Variants in EVC observed in about 807,000 individuals in gnomAD.
The protein encoded by EVC is EvC ciliary complex subunit 1, also known as evC complex member EVC.
A neutral mutation model predicts 118.9 loss-of-function variants in EVC; 116 were observed. The observed-to-expected ratio is 0.98, with a 90% CI of 0.84 to 1.14. EVC has a LOEUF of 1.14. Ranked by LOEUF, EVC falls within the 50% of genes most tolerant of loss-of-function variation. The pLI, the probability that EVC is intolerant of heterozygous loss-of-function variation, is 0.00. For missense variants in EVC, 1,401 were observed against 1,246.4 expected, an observed-to-expected ratio of 1.12 and a Z score of -1.87; for synonymous variants, 619 against 534.7, an observed-to-expected ratio of 1.16 and a Z score of -2.18.
intron 5 of EVC, 92 bp from the exon 6 acceptor site, chr4:5,741,624 G>C: frequency 1.4e-6 from 1 of 723,094 alleles, no homozygotes; most frequent in Non-Finnish European, 2.5e-6. Flanking sequence ...AGAGGCAGTG[G>C]GGGAGGGAGG....
At chr4:5,784,436 A>G (rs1736110046) in intron 12 of EVC, among the ~76,000 whole-genome samples, 2 of 152,128 alleles carry the variant, frequency 1.3e-5, no homozygotes, top group African/African-American at 2.4e-5. Flanking sequence ...ATTCTCCCCT[A>G]TAGCCTCTAG....
chr4:5,828,047 C>T, the EVC span: 1 of 985,420 alleles, frequency 1.0e-6, no homozygotes, highest in South Asian at 4.7e-5. Context: ...GCCCTGCCTG[C>T]AAGATGCCAG....
intron 2 of EVC, among the ~76,000 whole-genome samples, chr4:5,720,768 TG>T (rs1724819629): frequency 6.6e-6 from 1 of 152,202 alleles, no homozygotes; most frequent in South Asian, 2.1e-4. Flanking sequence ...GAGATGAGTC[TG>T]GAACAAGCAG....
downstream of EVC, among the ~76,000 whole-genome samples, chr4:5,818,770 C>A (rs1482015680): frequency 6.6e-6 from 1 of 152,202 alleles, no homozygotes; most frequent in Non-Finnish European, 1.5e-5. Context: ...CAACCTTGGA[C>A]TTCTCAGTCT....
At chr4:5,747,197 G>C (rs988584270) in intron 7 of EVC, among the ~76,000 whole-genome samples, 2 of 135,976 alleles carry the variant, frequency 1.5e-5, no homozygotes, top group Non-Finnish European at 3.1e-5. Flanking sequence ...GAGCCAGACC[G>C]ACACCGCAGT....
At chr4:5,779,078 C>T (rs1307266095) in intron 11 of EVC, among the ~76,000 whole-genome samples, 4 of 152,108 alleles carry the variant, frequency 2.6e-5, no homozygotes, top group African/African-American at 9.7e-5. Context: ...GTTTTCCCAG[C>T]ACCATTTATT....
chr4:5,759,081 C>G (rs568241996), intron 11 of EVC, among the ~76,000 whole-genome samples: 54 of 140,478 alleles, frequency 3.8e-4, no homozygotes, highest in African/African-American at 1.3e-3. Context: ...GCGGTGGGGG[C>G]GGGTCCTCTG....
chr4:5,780,811 T>C (rs1277920612), intron 11 of EVC, among the ~76,000 whole-genome samples: 2 of 152,168 alleles, frequency 1.3e-5, no homozygotes, highest in Non-Finnish European at 2.9e-5. Context: ...GTTGTACCCA[T>C]GGCTAAGAGT....
At chr4:5,827,733 GCACACACA>G in the EVC span, among the ~76,000 whole-genome samples, 1 of 138,276 alleles carries the variant, frequency 7.2e-6, no homozygotes, top group Non-Finnish European at 1.6e-5. Context: ...ATGTGCGCGT[GCACACACA>G]CACACACACA....
At chr4:5,795,688 A>G (rs958230931) in intron 13 of EVC, among the ~76,000 whole-genome samples, 3 of 152,222 alleles carry the variant, frequency 2.0e-5, no homozygotes, top group Non-Finnish European at 4.4e-5. Flanking sequence ...GGATGGAAAC[A>G]TAAGTAGGCT....
In EVC at chr4:5,789,626, A is replaced by G. The variant is rs1712383999; in HGVS notation, c.1777-3982A>G. On this transcript the variant is annotated intron_variant, in intron 12 of 20. Transcript: ENST00000264956. This position sits in a 1 kb window ranked among gnomAD's most constrained non-coding sequence, Gnocchi z 4.3. ...ATGAGAGTTTGAAACAAAGAGTAAA[A>G]CTTACTTGAGGCCACAAAATGACCT... 6.6e-6 allele frequency among the ~76,000 whole-genome samples: 1 copy of G among 152,120 alleles called. No individual in the cohort carries two copies. The highest frequency in any genetic ancestry group is 1.5e-5 in the Non-Finnish European group (1 of 68,014).
chr4:5,729,425 T>G (rs760784095), intron 3 of EVC, 35 bp downstream of exon 3: 1 of 1,585,486 alleles, frequency 6.3e-7, no homozygotes, highest in Non-Finnish European at 8.7e-7. Flanking sequence ...GAAAGCCAGT[T>G]ACTTCCGTCA....
At chr4:5,715,964 G>A (rs982286616) in intron 1 of EVC, among the ~76,000 whole-genome samples, 5 of 152,048 alleles carry the variant, frequency 3.3e-5, no homozygotes, top group African/African-American at 4.8e-5. Context: ...GTCTGGTCTC[G>A]AACTCCTGAG....
chr4:5,744,812 C>G (rs1290259811), intron 6 of EVC, among the ~76,000 whole-genome samples: 2 of 152,120 alleles, frequency 1.3e-5, no homozygotes, highest in African/African-American at 4.8e-5. Flanking sequence ...CAATCAAATA[C>G]ACACCACTTC....
chr4:5,797,247 G>A lies in EVC; in HGVS notation c.2097+15G>A. Reference sequence around the variant, plus strand: ...TCAGGGCCCTGGTAAGACCAGCATGGTGGCCCCACCCATTCCAGACAGGCG... The same window carrying A: ...TCAGGGCCCTGGTAAGACCAGCATGATGGCCCCACCCATTCCAGACAGGCG... On this transcript the variant is annotated intron_variant, in intron 14 of 20. Coordinates refer to ENST00000264956, the MANE Select transcript of EVC (RefSeq NM_153717.3). 6.3e-7 allele frequency: 1 copy of A among 1,591,958 alleles called. No homozygotes were observed. The highest frequency in any genetic ancestry group is 2.3e-5 in the East Asian group (1 of 43,730).
chr4:5,718,603 A>G (rs541248226), intron 1 of EVC, among the ~76,000 whole-genome samples: 4 of 152,320 alleles, frequency 2.6e-5, no homozygotes, highest in African/African-American at 9.6e-5. Context: ...ACTTTGTTCC[A>G]TCTCAACTGA....
intron 11 of EVC, chr4:5,758,296 T>C: frequency 1.8e-6 from 1 of 567,396 alleles, no homozygotes; most frequent in Non-Finnish European, 3.1e-6. Context: ...AGAATAAACT[T>C]CGTTGTCTTA....
At chr4:5,805,142 T>C (rs1715664867) in intron 17 of EVC, among the ~76,000 whole-genome samples, 1 of 152,038 alleles carries the variant, frequency 6.6e-6, no homozygotes, top group Non-Finnish European at 1.5e-5. Flanking sequence ...TACCCTCTCA[T>C]ACTTTGGGCA....
intron 11 of EVC, among the ~76,000 whole-genome samples, chr4:5,757,717 G>A (rs1318778487): frequency 6.6e-6 from 1 of 152,166 alleles, no homozygotes; most frequent in Non-Finnish European, 1.5e-5. Context: ...CAGTTCTATG[G>A]GATTAGGGCC....
Sources: gnomAD v4.1 joint callset for allele counts (sites outside exome capture counted in the v4.1 genomes callset) on GRCh38, gnomAD v4.1.1 for gene constraint, Gnocchi (gnomAD v3.1) non-coding constraint, MANE v1.5 for transcripts, NCBI Gene and HGNC (gene_info 2026-07-23, HGNC 2026-07-21) for gene names.